RYR3: variants seen among roughly 807,000 people sequenced by gnomAD.
The protein encoded by RYR3 is brain ryanodine receptor-calcium release channel.
A neutral mutation model predicts 584.3 loss-of-function variants in RYR3; 207 were observed. The observed-to-expected ratio is 0.35, with a 90% CI of 0.32 to 0.40. RYR3 has a LOEUF of 0.40. RYR3 is among the 10% of genes least tolerant of loss of function. The pLI is 1.00. For synonymous variants in RYR3, 2,416 were observed against 2,248.5 expected, an observed-to-expected ratio of 1.07 and a Z score of -2.11; for missense variants, 5,616 against 6,089.2, an observed-to-expected ratio of 0.92 and a Z score of 2.59.
intron 10 of RYR3, among the ~76,000 whole-genome samples, chr15:33,561,780 G>A (rs75179402): frequency 7.0e-4 from 107 of 152,030 alleles, no homozygotes; most frequent in African/African-American, 2.4e-3. Context: ...TGCACCTGGA[G>A]TCCTAGCTAC....
At chr15:33,728,706 A>C (rs1359067431) in intron 46 of RYR3, 151 bp from the exon 47 acceptor site, 1 of 667,798 alleles carries the variant, frequency 1.5e-6, no homozygotes, top group Non-Finnish European at 2.3e-6. Context: ...TTCAGGTTTC[A>C]GATTTTTGGA....
At chr15:33,323,141 T>G (rs1453091627) in intron 1 of RYR3, among the ~76,000 whole-genome samples, 2 of 152,058 alleles carry the variant, frequency 1.3e-5, no homozygotes, top group Non-Finnish European at 2.9e-5. Flanking sequence ...AGACAGAGTC[T>G]CACTCTGTCT....
chr15:33,573,858 A>G (rs1197535766), intron 12 of RYR3, among the ~76,000 whole-genome samples: 2 of 152,180 alleles, frequency 1.3e-5, no homozygotes, highest in Non-Finnish European at 2.9e-5. Flanking sequence ...TCCAGAAGTA[A>G]TGTCTGTTTT....
At chr15:33,540,366 G>C (rs1303140879) in intron 6 of RYR3, among the ~76,000 whole-genome samples, 4 of 152,060 alleles carry the variant, frequency 2.6e-5, no homozygotes, top group Non-Finnish European at 5.9e-5. Context: ...CACTTGTCTG[G>C]GGGTGGGGAT....
chr15:33,460,450 G>A (rs774827374), intron 1 of RYR3, among the ~76,000 whole-genome samples: 14 of 152,214 alleles, frequency 9.2e-5, no homozygotes, highest in Non-Finnish European at 1.5e-4. Flanking sequence ...AGAACTTGAA[G>A]TTTGGAGTCA....
At chr15:33,751,771 T>C (rs898868554) in intron 57 of RYR3, among the ~76,000 whole-genome samples, 24 of 152,176 alleles carry the variant, frequency 1.6e-4, no homozygotes, top group South Asian at 2.1e-4. Flanking sequence ...TTTGTTGCCA[T>C]TGATTTTGGT....
chr15:33,518,330 G>T (rs537933035), intron 3 of RYR3, among the ~76,000 whole-genome samples: 257 of 152,202 alleles, frequency 1.7e-3, no homozygotes, highest in Admixed American at 3.6e-3. Flanking sequence ...TGCTGCAAAT[G>T]GATTGAATTA....
chr15:33,844,846 G>A lies in RYR3; in HGVS notation c.13297-16G>A. 1 of 1,610,630 alleles carries A rather than the reference G, an allele frequency of 6.2e-7. No individual in the cohort carries two copies. The highest frequency in any genetic ancestry group is 1.1e-5 in the South Asian group (1 of 90,674). On this transcript the variant is annotated splice_polypyrimidine_tract_variant and intron_variant, in intron 92 of 103. Coordinates refer to ENST00000634891, the MANE Select transcript of RYR3 (RefSeq NM_001036.6). ...TCTTTTTGATGTTTAATAAGCGAGT[G>A]TGTATTTTGAGCCAGGTCACTGAAG...
At chr15:33,852,635 A>G (rs1317372389) in intron 94 of RYR3, 2 of 166,408 alleles carry the variant, frequency 1.2e-5, no homozygotes, top group African/African-American at 4.8e-5. Context: ...CCGCATCGCC[A>G]TTATCTACCC....
chr15:33,560,953 C>T (rs1233647221), intron 10 of RYR3, among the ~76,000 whole-genome samples: 1 of 151,726 alleles, frequency 6.6e-6, no homozygotes, highest in Admixed American at 6.6e-5. Flanking sequence ...TGTTTCAACA[C>T]ACACATTTAA....
At chr15:33,571,725 A>C (rs193019893) in intron 12 of RYR3, among the ~76,000 whole-genome samples, 2 of 152,268 alleles carry the variant, frequency 1.3e-5, no homozygotes, top group East Asian at 3.9e-4. Context: ...GACAACACAT[A>C]TTTGATTTTT....
At chr15:33,326,145 TG>T (rs935236966) in intron 1 of RYR3, among the ~76,000 whole-genome samples, 2 of 152,170 alleles carry the variant, frequency 1.3e-5, no homozygotes, top group African/African-American at 4.8e-5. Context: ...CTTTGTTTTT[TG>T]TTTTCCCCAA....
At chr15:33,502,173 T>A (rs750439761) in intron 2 of RYR3, among the ~76,000 whole-genome samples, 98 of 152,160 alleles carry the variant, frequency 6.4e-4, no homozygotes, top group Non-Finnish European at 1.3e-3. Context: ...AAAACTTTAA[T>A]AAAGGAAAAT....
intron 1 of RYR3, 35 bp from the exon 2 acceptor site, chr15:33,473,384 C>T (rs2049100127): frequency 6.2e-7 from 1 of 1,613,022 alleles, no homozygotes; most frequent in Non-Finnish European, 8.5e-7. Flanking sequence ...CAGCAGTTCC[C>T]CTTACTCATG....
intron 1 of RYR3, among the ~76,000 whole-genome samples, chr15:33,373,911 GA>G (rs2040526147): frequency 6.6e-6 from 1 of 152,094 alleles, no homozygotes; most frequent in African/African-American, 2.4e-5. Flanking sequence ...TAGGAATAGA[GA>G]AAAAGAGGCC....
Position 33,562,983 on chromosome 15 carries a change from T to C in RYR3, c.1119T>C (p.Thr373=), listed in dbSNP as rs760206490. ...CCTACAAAGCACAAGACGCCAAAAC[T>C]TCCCGCCTGGGACCTCTAAAAAGAA... The part of the protein sequence containing the change: ...WVTYKAQDAK[T]SRLGPLKRKV... The change falls in exon 11 of 104, where the codon ACT becomes ACC. Residue 373 remains threonine (T), a synonymous_variant. Transcript: ENST00000634891. 6.2e-7 allele frequency: 1 copy of C among 1,611,436 alleles called. No individual in the cohort carries two copies. Among genetic ancestry groups the C allele is most frequent in the Non-Finnish European group, 8.5e-7 (1 of 1,178,560 alleles).
In RYR3 at chr15:33,807,655, G is replaced by C; in HGVS notation, c.10026+86G>C. On this transcript the variant is annotated intron_variant, in intron 70 of 103. Transcript: ENST00000634891. ...CCCCCTCTGCACTGTGATCACCATG[G>C]GGGTGGTAGAGAATGGATTTTCCCG... is the stretch of plus-strand genomic sequence containing the variant. The C allele has an allele frequency of 2.2e-6, 3 of 1,341,520 alleles. No individual in the cohort carries two copies. The Admixed American group carries it at 5.9e-5, about 27-fold the overall frequency. 83.1% of individuals were successfully genotyped at this position (1,341,520 alleles called of 1,614,324 possible).
chr15:33,823,108 C>T lies in RYR3; in HGVS notation c.11072+36C>T, dbSNP rs752558709. 3 of 1,573,770 alleles carry T rather than the reference C, an allele frequency of 1.9e-6. No individual in the cohort carries two copies. The Middle Eastern group carries it at 5.1e-4, about 265-fold the overall frequency. ...GAAAACTACCATAGCATTTAAAAAA[C>T]TCTTCCCTCTAAGCATAGGAGGCAG... On this transcript the variant is annotated intron_variant, in intron 81 of 103. Transcript: ENST00000634891.
intron 2 of RYR3, 139 bp downstream of exon 2, chr15:33,473,677 G>C: frequency 2.3e-6 from 2 of 869,002 alleles, no homozygotes; most frequent in Non-Finnish European, 3.5e-6. Context: ...AGCAGATCTG[G>C]TTTAAACCAT....
Sources: gnomAD v4.1 joint callset for allele counts (sites outside exome capture counted in the v4.1 genomes callset) on GRCh38, gnomAD v4.1.1 for gene constraint, MANE v1.5 for transcripts, NCBI Gene and HGNC (gene_info 2026-07-23, HGNC 2026-07-21) for gene names.